The following KIF5C variants were observed in gnomAD, a reference collection of about 807,000 sequenced individuals.
The protein encoded by KIF5C is kinesin heavy chain isoform 5C.
A neutral mutation model predicts 125.2 loss-of-function variants in KIF5C; 18 were observed. The observed-to-expected ratio is 0.14, with a 90% CI of 0.10 to 0.21. KIF5C has a LOEUF of 0.21. KIF5C is among the 10% of genes least tolerant of loss of function. The pLI, the probability that KIF5C is intolerant of heterozygous loss-of-function variation, is 1.00. For missense variants in KIF5C, 780 were observed against 1,183.8 expected (o/e 0.66, Z 5.01); for synonymous variants, 405 against 434.0 (o/e 0.93, Z 0.83).
intron 1 of KIF5C, chr2:148,878,427 T>C (rs1681253920): frequency 6.6e-6 from 1 of 152,244 alleles, no homozygotes; most frequent in South Asian, 2.1e-4. Flanking sequence ...GATATGAATA[T>C]ACTACAATTT....
intron 25 of KIF5C, among the ~76,000 whole-genome samples, chr2:149,022,576 A>G (rs1321923221): frequency 6.6e-6 from 1 of 152,210 alleles, no homozygotes; most frequent in Non-Finnish European, 1.5e-5. Flanking sequence ...ATTACAATTA[A>G]TCTTACCTAT....
intron 1 of KIF5C, among the ~76,000 whole-genome samples, chr2:148,919,129 C>G (rs533942763): frequency 6.6e-6 from 1 of 152,142 alleles, no homozygotes. Context: ...ATGGAAATGT[C>G]TAGAGGACAT....
intron 18 of KIF5C, chr2:148,998,166 T>G: frequency 1.7e-6 from 1 of 592,556 alleles, no homozygotes; most frequent in Non-Finnish European, 2.9e-6. Context: ...TTTTATTTAG[T>G]TGGTGGGCTA....
chr2:148,909,778 G>C (rs1307934300), intron 1 of KIF5C, among the ~76,000 whole-genome samples: 1 of 152,186 alleles, frequency 6.6e-6, no homozygotes, highest in East Asian at 1.9e-4. Context: ...AGAAATTTTA[G>C]ATTTTGGTGG....
chr2:149,021,113 A>C (rs528945028), intron 25 of KIF5C, among the ~76,000 whole-genome samples: 1 of 152,100 alleles, frequency 6.6e-6, no homozygotes, highest in Non-Finnish European at 1.5e-5. Flanking sequence ...CCCAGGCTGG[A>C]GTGCAGCAGC....
At chr2:148,881,661 C>T (rs1296211176) in intron 1 of KIF5C, among the ~76,000 whole-genome samples, 3 of 152,116 alleles carry the variant, frequency 2.0e-5, no homozygotes, top group Admixed American at 6.5e-5. Flanking sequence ...CTCAGCTCTT[C>T]TTCCCATTCA....
intron 11 of KIF5C, among the ~76,000 whole-genome samples, chr2:148,972,025 C>T (rs887156327): frequency 1.3e-5 from 2 of 152,152 alleles, no homozygotes; most frequent in Non-Finnish European, 2.9e-5. Context: ...ACCTTCGCCT[C>T]TCGGGTTCAA....
At chr2:148,962,341 A>T (rs1682948191) in intron 11 of KIF5C, among the ~76,000 whole-genome samples, 1 of 135,718 alleles carries the variant, frequency 7.4e-6, no homozygotes, top group Non-Finnish European at 1.6e-5. Context: ...AATTTTTGTA[A>T]TTTTTTTTTT....
At chr2:148,931,343 G>A (rs553733815) in intron 3 of KIF5C, among the ~76,000 whole-genome samples, 6 of 152,202 alleles carry the variant, frequency 3.9e-5, no homozygotes, top group Non-Finnish European at 4.4e-5. Context: ...TCTTATTTCC[G>A]GAGAAGAGAT....
intron 1 of KIF5C, among the ~76,000 whole-genome samples, chr2:148,901,862 G>T (rs1680916925): frequency 6.6e-6 from 1 of 152,204 alleles, no homozygotes; most frequent in Non-Finnish European, 1.5e-5. Context: ...GAATCTGGAG[G>T]ACGGCCTGTG....
chr2:148,893,607 A>C (rs1681764291), intron 1 of KIF5C, among the ~76,000 whole-genome samples: 2 of 152,110 alleles, frequency 1.3e-5, no homozygotes, highest in Admixed American at 1.3e-4. Context: ...AGGTATTTCC[A>C]TTTCTCTTTA....
At chr2:148,893,837 C>T (rs560199210) in intron 1 of KIF5C, among the ~76,000 whole-genome samples, 43 of 152,338 alleles carry the variant, frequency 2.8e-4, no homozygotes, top group African/African-American at 9.9e-4. Context: ...ATCCCATTAT[C>T]GCTTCCACCT....
intron 21 of KIF5C, among the ~76,000 whole-genome samples, chr2:149,002,860 A>C (rs1392309449): frequency 1.3e-5 from 2 of 152,164 alleles, no homozygotes; most frequent in Non-Finnish European, 2.9e-5. Context: ...ATGTTTCATC[A>C]GCTCTTTTGC....
intron 21 of KIF5C, among the ~76,000 whole-genome samples, chr2:149,002,399 C>T (rs1280723160): frequency 2.0e-5 from 3 of 152,212 alleles, no homozygotes; most frequent in South Asian, 2.1e-4. Context: ...TGCCCACACA[C>T]GCAGTCAGCT....
chr2:148,887,158 A>T (rs1452334976), intron 1 of KIF5C, among the ~76,000 whole-genome samples: 1 of 152,242 alleles, frequency 6.6e-6, no homozygotes, highest in Non-Finnish European at 1.5e-5. Context: ...ACTAATATTT[A>T]AAAATATTCA....
At chr2:148,921,586 T>A (rs935715442) in intron 1 of KIF5C, among the ~76,000 whole-genome samples, 1 of 152,212 alleles carries the variant, frequency 6.6e-6, no homozygotes, top group Non-Finnish European at 1.5e-5. Flanking sequence ...GATGCGCTTC[T>A]ACAGCTCTTC....
At chr2:148,903,481 C>T (rs1045571544) in intron 1 of KIF5C, among the ~76,000 whole-genome samples, 18 of 152,088 alleles carry the variant, frequency 1.2e-4, no homozygotes, top group Middle Eastern at 3.2e-3. Context: ...TTAGTGGATG[C>T]GAACACACCC....
chr2:148,965,946 A>G (rs1683040259), intron 11 of KIF5C, among the ~76,000 whole-genome samples: 1 of 152,176 alleles, frequency 6.6e-6, no homozygotes, highest in Admixed American at 6.5e-5. Flanking sequence ...GTCAGTCCTA[A>G]TTCTTCAGAG....
At chr2:148,975,054 G>A (rs1230136998) in intron 12 of KIF5C, among the ~76,000 whole-genome samples, 2 of 152,232 alleles carry the variant, frequency 1.3e-5, no homozygotes, top group African/African-American at 4.8e-5. Flanking sequence ...TCTCCTGATG[G>A]TCAGCCTAGG....
Sources: gnomAD v4.1 joint callset for allele counts (sites outside exome capture counted in the v4.1 genomes callset) on GRCh38, gnomAD v4.1.1 for gene constraint, MANE v1.5 for transcripts, NCBI Gene and HGNC (gene_info 2026-07-23, HGNC 2026-07-21) for gene names.